The following INTS2 variants were observed in gnomAD, a reference collection of about 807,000 sequenced individuals.
The protein encoded by INTS2 is integrator complex subunit 2.
Under a neutral mutation model 139.6 loss-of-function variants are expected in INTS2, and 57 were observed. That is an observed-to-expected ratio of 0.41 (90% CI 0.33 to 0.51). INTS2 has a LOEUF of 0.51. Among genes scored for constraint, INTS2 ranks in the 20% least tolerant of loss-of-function variants. INTS2 has a pLI of 0.28. For missense variants in INTS2, 1,196 were observed against 1,436.7 expected, an observed-to-expected ratio of 0.83 and a Z score of 2.71; for synonymous variants, 473 against 493.4, an observed-to-expected ratio of 0.96 and a Z score of 0.55.
In INTS2 at chr17:61,921,729, T is replaced by A; in HGVS notation, c.531A>T (p.Gln177His). The A allele has an allele frequency of 6.4e-7, 1 of 1,559,622 alleles. No individual in the cohort carries two copies. Among genetic ancestry groups the A allele is most frequent in the Non-Finnish European group, 8.8e-7 (1 of 1,139,852 alleles). Residue 177 changes from glutamine to histidine, a missense_variant, in exon 4 of 25, where the codon CAA (glutamine) becomes CAT (histidine). By Grantham distance (24) the Gln-to-His change is conservative (BLOSUM62 0). Around this residue, in one of 3 missense-constraint regions of INTS2, gnomAD observed 1,129 missense variants for 1,341.9 expected, o/e 0.84. Coordinates refer to ENST00000251334, the MANE Select transcript of INTS2 (RefSeq NM_001351695.2). The stretch of plus-strand genomic sequence containing the variant: ...TCTTAGCACTCAGTACAGTACCTGC[T>A]TGTAAAATACAAAGTACATCTGCAG... ...EEAADVLCIL[Q>H]AELPSLLPIV...
chr17:61,923,661 T>C (rs1014346359), intron 3 of INTS2, among the ~76,000 whole-genome samples: 11 of 151,202 alleles, frequency 7.3e-5, no homozygotes, highest in African/African-American at 2.7e-4. Flanking sequence ...AAAGATCTAA[T>C]TTAGTGGGTT....
At chr17:61,878,274 A>G (rs982071158) in intron 17 of INTS2, among the ~76,000 whole-genome samples, 186 bp from the exon 18 acceptor site, 2 of 152,196 alleles carry the variant, frequency 1.3e-5, no homozygotes, top group Non-Finnish European at 2.9e-5. Flanking sequence ...TTATTAAAAT[A>G]AGGGCCAGAT....
intron 14 of INTS2, among the ~76,000 whole-genome samples, chr17:61,891,261 G>A (rs981010787): frequency 2.0e-5 from 3 of 151,784 alleles, no homozygotes; most frequent in Middle Eastern, 3.4e-3. Context: ...GCAGTGAGCT[G>A]AGATCGCGCC....
chr17:61,890,376 T>G (rs1259069619), intron 14 of INTS2, among the ~76,000 whole-genome samples: 2 of 150,492 alleles, frequency 1.3e-5, no homozygotes, highest in Admixed American at 1.3e-4. Flanking sequence ...TTTGGGAGGC[T>G]GAGGCAGGCA....
chr17:61,905,731 C>CT (rs2079455978), intron 8 of INTS2, among the ~76,000 whole-genome samples: 2 of 152,120 alleles, frequency 1.3e-5, no homozygotes, highest in Admixed American at 6.5e-5. Flanking sequence ...GAGTTTCACT[C>CT]TTATTGCCCA....
In INTS2 at chr17:61,875,021, A is replaced by G. The variant is rs776151476; in HGVS notation, c.2474T>C (p.Val825Ala). 4 of 1,594,596 alleles carry G rather than the reference A, an allele frequency of 2.5e-6. No individual in the cohort carries two copies. In the East Asian group the frequency reaches 9.0e-5, roughly 36 times the overall value. Residue 825 changes from valine to alanine, a missense_variant, in exon 19 of 25, where the codon GTT (valine) becomes GCT (alanine). Around this residue, in one of 3 missense-constraint regions of INTS2, gnomAD observed 1,129 missense variants for 1,341.9 expected, o/e 0.84. Transcript: ENST00000251334. This position sits in a 1 kb window ranked among gnomAD's most constrained non-coding sequence, Gnocchi z 4.6. Reference sequence around the variant, plus strand: ...CTTTATTGAAGGCTGAAGTGCATTAACCGTCATTACCCATAGCCTGATAAG... The same window carrying G: ...CTTTATTGAAGGCTGAAGTGCATTAGCCGTCATTACCCATAGCCTGATAAG... ...VMPRRLWVMT[V>A]NALQPSIKFV...
rs1343028857 is a variant in INTS2 at position 61,865,781 on chromosome 17, T to C, written c.*1776A>G. The C allele has an allele frequency of 6.6e-6, 1 of 152,254 alleles. No individual in the cohort carries two copies. The highest frequency in any genetic ancestry group is 2.4e-5 in the African/African-American group (1 of 41,460). The allele number at this position is 152,254 out of a possible 1,614,324, so 9.4% of individuals were successfully genotyped here. On this transcript the variant is annotated 3_prime_UTR_variant, in exon 25 of 25. Transcript: ENST00000251334. This position sits in a 1 kb window ranked among gnomAD's most constrained non-coding sequence, Gnocchi z 4.8. The stretch of plus-strand genomic sequence containing the variant: ...CCTTGTTTAAAAATATGAAAATTCT[T>C]ATGCTATTTTTAAGATACTTTTATT...
Position 61,893,546 on chromosome 17 carries a change from T to C in INTS2, c.1698+219A>G, listed in dbSNP as rs140688630. Among the ~76,000 whole-genome samples, 28,666 of 151,772 alleles carry C rather than the reference T, an allele frequency of 0.19. 3,171 individuals carry two copies. The highest frequency in any genetic ancestry group is 0.31 in the Admixed American group (4,711 of 15,244). On this transcript the variant is annotated intron_variant, in intron 13 of 24. Coordinates refer to ENST00000251334, the MANE Select transcript of INTS2 (RefSeq NM_001351695.2). This position sits in a 1 kb window ranked among gnomAD's most constrained non-coding sequence, Gnocchi z 5.4. Reference sequence around the variant, plus strand: ...CCTGTCTCTACTAAAAATACAAAAATTAGCCGGGCATGGTGGCACACACCT... The same window carrying C: ...CCTGTCTCTACTAAAAATACAAAAACTAGCCGGGCATGGTGGCACACACCT...
At chr17:61,891,440 A>AT in intron 14 of INTS2, 73 bp downstream of exon 14, 2 of 1,182,544 alleles carry the variant, frequency 1.7e-6, no homozygotes, top group Non-Finnish European at 2.5e-6. Flanking sequence ...TGATAGGAAA[A>AT]TAAAAATATG....
In INTS2 at chr17:61,873,142, T is replaced by C. The variant is rs12451910; in HGVS notation, c.2583-682A>G. Among the ~76,000 whole-genome samples the C allele has an allele frequency of 0.17, 25,200 of 152,078 alleles. 2,539 individuals are homozygous for C. Among genetic ancestry groups the C allele is most frequent in the East Asian group, 0.54 (2,774 of 5,166 alleles). On this transcript the variant is annotated intron_variant, in intron 19 of 24. Coordinates refer to ENST00000251334, the MANE Select transcript of INTS2 (RefSeq NM_001351695.2). This position sits in a 1 kb window ranked among gnomAD's most constrained non-coding sequence, Gnocchi z 4.0. ...AATGCACATAATCACCAAAGCACTA[T>C]TGATAAAAGCAAAAAGTAGAAATAA...
chr17:61,894,871 T>C (rs1198669427), intron 12 of INTS2, among the ~76,000 whole-genome samples: 3 of 151,974 alleles, frequency 2.0e-5, no homozygotes, highest in Non-Finnish European at 2.9e-5. Flanking sequence ...AAAATCCTTA[T>C]GCTTATCCAT....
intron 15 of INTS2, among the ~76,000 whole-genome samples, chr17:61,886,233 T>C (rs1443171478): frequency 6.6e-6 from 1 of 152,148 alleles, no homozygotes; most frequent in East Asian, 1.9e-4. Flanking sequence ...GCATTTTTAG[T>C]AGAGACGGGG....
In INTS2 at chr17:61,922,875, C is replaced by T. The variant is rs550140314; in HGVS notation, c.433-1048G>A. ...GGAGGATCACCTGAGGTCAGGAGTT[C>T]GAGACCAGCCTGGCTAACATGGTGA... On this transcript the variant is annotated intron_variant, in intron 3 of 24. Coordinates refer to ENST00000251334, the MANE Select transcript of INTS2 (RefSeq NM_001351695.2). 3.3e-5 allele frequency among the ~76,000 whole-genome samples: 5 copies of T among 151,676 alleles called. No homozygotes were observed. In the South Asian group the frequency reaches 8.3e-4, roughly 25 times the overall value.
In INTS2 at chr17:61,878,030, A is replaced by C. The variant is rs375096192; in HGVS notation, c.2313T>G (p.Thr771=). Residue 771 remains threonine, a synonymous_variant, in exon 18 of 25, where the codon ACT becomes ACG. Transcript: ENST00000251334. ...GTATAAGTTCACTGGCAGAGAGTAGAGTCAAGTGTTCTATAATCTGCATCA... is the reference window on the plus strand; with the variant it reads ...GTATAAGTTCACTGGCAGAGAGTAGCGTCAAGTGTTCTATAATCTGCATCA... ...TQVMQIIEHL[T]LLSASELIPY... is the part of the protein sequence containing the mutation. 1 of 1,612,882 alleles carries C rather than the reference A, an allele frequency of 6.2e-7. No homozygotes were observed. Among genetic ancestry groups the C allele is most frequent in the Non-Finnish European group, 8.5e-7 (1 of 1,178,988 alleles).
chr17:61,927,567 A>G lies in INTS2; in HGVS notation c.-19+87T>C, dbSNP rs9913705. On this transcript the variant is annotated intron_variant, in intron 1 of 24. Transcript: ENST00000251334. ...CTCGCCCCGGGCGCAACTAGAACCAATAAGTCCCTCAGGCTGAGCAAAGTC... is the reference window on the plus strand; with the variant it reads ...CTCGCCCCGGGCGCAACTAGAACCAGTAAGTCCCTCAGGCTGAGCAAAGTC... The G allele has an allele frequency of 6.8e-3, 6,894 of 1,016,836 alleles. 330 individuals carry two copies. The African/African-American group carries it at 0.1, about 15-fold the overall frequency. 63.0% of individuals were successfully genotyped at this position (1,016,836 alleles called of 1,614,324 possible). A position where few individuals can be genotyped will look rare whatever the true frequency, so the allele number is the denominator to read the frequency against.
chr17:61,926,747 G>C, intron 1 of INTS2, 85 bp from the exon 2 acceptor site: 1 of 1,092,994 alleles, frequency 9.1e-7, no homozygotes, highest in African/African-American at 1.6e-5. Context: ...GAAAAATGTG[G>C]TGTATCTTTA....
chr17:61,886,608 A>T (rs919472179), intron 15 of INTS2, among the ~76,000 whole-genome samples: 2 of 152,184 alleles, frequency 1.3e-5, no homozygotes, highest in East Asian at 1.9e-4. Context: ...GAATCCTCAG[A>T]TCACACAGAG....
chr17:61,926,396 G>C lies in INTS2; in HGVS notation c.249C>G (p.Asp83Glu). 2 of 1,611,384 alleles carry C rather than the reference G, an allele frequency of 1.2e-6. No homozygotes were observed. Among genetic ancestry groups the C allele is most frequent in the Non-Finnish European group, 8.5e-7 (1 of 1,177,716 alleles). The change falls in exon 2 of 25, where the codon GAC becomes GAG. Residue 83 changes from aspartate (D) to glutamate (E), a missense_variant. Asp to Glu is a conservative substitution (Grantham distance 45). This residue lies in a region of INTS2 where 1,129 missense variants were observed against 1,341.9 expected (regional missense o/e 0.84). Coordinates refer to ENST00000251334, the MANE Select transcript of INTS2 (RefSeq NM_001351695.2). ...VNSIVALLSV[D>E]FHALEQDASK... ...TGGCATCTTGTTCTAAAGCATGAAA[G>C]TCCACGGACAACAATGCAACAATGG...
At chr17:61,892,116 T>C (rs767822978) in intron 13 of INTS2, among the ~76,000 whole-genome samples, 21 of 152,156 alleles carry the variant, frequency 1.4e-4, no homozygotes, top group Admixed American at 3.3e-4. Flanking sequence ...AGGAGACTTA[T>C]CACTTAACTA....
Sources: gnomAD v4.1 joint callset for allele counts (sites outside exome capture counted in the v4.1 genomes callset) on GRCh38, gnomAD v4.1.1 for gene constraint, gnomAD v4.1.1 regional missense constraint, Gnocchi (gnomAD v3.1) non-coding constraint, MANE v1.5 for transcripts, NCBI Gene and HGNC (gene_info 2026-07-23, HGNC 2026-07-21) for gene names.